Variants in PDE1A observed in about 807,000 individuals in gnomAD.
PDE1A encodes phosphodiesterase 1A.
A neutral mutation model predicts 61.7 loss-of-function variants in PDE1A; 35 were observed. The observed-to-expected ratio is 0.57, with a 90% CI of 0.43 to 0.75. PDE1A has a LOEUF of 0.75. Among genes scored for constraint, PDE1A ranks in the 30% least tolerant of loss-of-function variants. PDE1A has a pLI of 0.00. For synonymous variants in PDE1A, 232 were observed against 213.2 expected, an observed-to-expected ratio of 1.09 and a Z score of -0.77; for missense variants, 597 against 630.6, an observed-to-expected ratio of 0.95 and a Z score of 0.57.
At chr2:182,309,045 CAAAG>C (rs1005964585) in intron 1 of PDE1A, among the ~76,000 whole-genome samples, 1 of 146,988 alleles carries the variant, frequency 6.8e-6, no homozygotes, top group Non-Finnish European at 1.5e-5. Flanking sequence ...AAAAAAGTGA[CAAAG>C]AAGTTCACAC....
the PDE1A span, among the ~76,000 whole-genome samples, chr2:182,706,935 A>C: frequency 1.3e-5 from 2 of 152,260 alleles, no homozygotes; most frequent in African/African-American, 2.4e-5. Flanking sequence ...TGGCTGATGC[A>C]TAGCAGTAAT....
intron 1 of PDE1A, among the ~76,000 whole-genome samples, chr2:182,403,778 G>T (rs1428288781): frequency 2.0e-5 from 3 of 151,938 alleles, no homozygotes; most frequent in Non-Finnish European, 2.9e-5. Context: ...AATGGGAGTT[G>T]AATAGGAGAA....
chr2:182,326,478 C>T (rs1253752689), intron 1 of PDE1A, among the ~76,000 whole-genome samples: 1 of 152,098 alleles, frequency 6.6e-6, no homozygotes, highest in Non-Finnish European at 1.5e-5. Flanking sequence ...AAAAGATGAA[C>T]ACTGTATGAT....
At chr2:182,201,839 G>A in intron 8 of PDE1A, 50 bp from the exon 9 acceptor site, 1 of 1,117,954 alleles carries the variant, frequency 8.9e-7, no homozygotes, top group Non-Finnish European at 1.3e-6. Context: ...TTATTGTTCT[G>A]AAGTGGAACA....
At chr2:182,240,232 T>G in exon 3 of PDE1A, 1 of 1,613,074 alleles carries the variant, frequency 6.2e-7, no homozygotes, top group Non-Finnish European at 8.5e-7. Flanking sequence ...AGTCCCGGAC[T>G]TCAGATGGGA....
chr2:182,583,304 G>C, the PDE1A span, among the ~76,000 whole-genome samples: 1 of 152,110 alleles, frequency 6.6e-6, no homozygotes, highest in Non-Finnish European at 1.5e-5. Flanking sequence ...GAAATTATCA[G>C]AATAATATAT....
the PDE1A span, among the ~76,000 whole-genome samples, chr2:182,608,258 G>A: frequency 2.0e-5 from 3 of 152,166 alleles, no homozygotes; most frequent in Non-Finnish European, 4.4e-5. Context: ...ACTTTTCTGC[G>A]GAAAAACTTA....
the PDE1A span, among the ~76,000 whole-genome samples, chr2:182,571,279 T>C: frequency 1.3e-5 from 2 of 152,114 alleles, no homozygotes; most frequent in South Asian, 2.1e-4. Context: ...GTCATTGAAA[T>C]ATCACCAAGA....
At chr2:182,267,876 T>G (rs1176008292) in intron 1 of PDE1A, among the ~76,000 whole-genome samples, 1 of 152,258 alleles carries the variant, frequency 6.6e-6, no homozygotes, top group East Asian at 1.9e-4. Context: ...TAAGGCTTTA[T>G]TGTATATATC....
At chr2:182,304,178 G>A (rs72897091) in intron 1 of PDE1A, among the ~76,000 whole-genome samples, 9 of 152,140 alleles carry the variant, frequency 5.9e-5, no homozygotes, top group Non-Finnish European at 1.3e-4. Flanking sequence ...CACCATACCC[G>A]GCCGATGGCT....
intron 1 of PDE1A, among the ~76,000 whole-genome samples, chr2:182,356,565 C>T (rs754291263): frequency 1.3e-4 from 19 of 151,952 alleles, no homozygotes; most frequent in Admixed American, 2.6e-4. Context: ...GCCTGGGCAA[C>T]ATGGAGAAAC....
chr2:182,148,983 T>C lies in PDE1A; in HGVS notation c.1517-1831A>G, dbSNP rs753329858. On this transcript the variant is annotated intron_variant, in intron 13 of 13. Coordinates refer to the PDE1A transcript ENST00000409365. ...AATTGGGAAAGGGTTTTATGCATCTTATTACTGAGTTTTGAACCTTCTTTG... is the reference window on the plus strand; with the variant it reads ...AATTGGGAAAGGGTTTTATGCATCTCATTACTGAGTTTTGAACCTTCTTTG... Among the ~76,000 whole-genome samples, 12 of 152,166 alleles carry C rather than the reference T, an allele frequency of 7.9e-5. 1 individual carries two copies. The highest frequency in any genetic ancestry group is 1.3e-4 in the Non-Finnish European group (9 of 68,014).
At chr2:182,462,774 A>C (rs1422931001) in intron 2 of PDE1A, among the ~76,000 whole-genome samples, 1 of 152,200 alleles carries the variant, frequency 6.6e-6, no homozygotes, top group Non-Finnish European at 1.5e-5. Context: ...TTTTTTAAAA[A>C]TTCAGAATAA....
the PDE1A span, among the ~76,000 whole-genome samples, chr2:182,535,085 A>G: frequency 2.0e-5 from 3 of 151,892 alleles, no homozygotes; most frequent in Admixed American, 1.3e-4. Context: ...ATTTTTTTAT[A>G]TATAAGTACT....
chr2:182,278,246 A>G (rs1294985508), intron 1 of PDE1A, among the ~76,000 whole-genome samples: 1 of 152,034 alleles, frequency 6.6e-6, no homozygotes, highest in East Asian at 1.9e-4. Flanking sequence ...GTGATTTAAC[A>G]AGCTTACACA....
At chr2:182,358,664 A>G (rs879321215) in intron 1 of PDE1A, among the ~76,000 whole-genome samples, 3 of 152,116 alleles carry the variant, frequency 2.0e-5, no homozygotes, top group Non-Finnish European at 4.4e-5. Flanking sequence ...ATATTCAGCT[A>G]ATAGCTAACA....
chr2:182,417,995 C>G (rs1703028616), intron 1 of PDE1A, among the ~76,000 whole-genome samples: 1 of 151,912 alleles, frequency 6.6e-6, no homozygotes, highest in Non-Finnish European at 1.5e-5. Flanking sequence ...TAGGAGGGTT[C>G]AAAATAGAAA....
chr2:182,434,466 T>C (rs1296457189), intron 2 of PDE1A, among the ~76,000 whole-genome samples: 1 of 152,078 alleles, frequency 6.6e-6, no homozygotes. Context: ...TGTCAGCCTC[T>C]GGTTTAGTGA....
intron 1 of PDE1A, among the ~76,000 whole-genome samples, chr2:182,386,957 G>A (rs1042632170): frequency 3.3e-5 from 5 of 152,252 alleles, no homozygotes; most frequent in Non-Finnish European, 5.9e-5. Flanking sequence ...TGATGACGAC[G>A]GCGGTTTTGT....
Sources: allele counts gnomAD v4.1 joint callset (sites outside exome capture counted in the v4.1 genomes callset), GRCh38; gene constraint gnomAD v4.1.1; transcripts MANE v1.5; gene names NCBI Gene and HGNC (gene_info 2026-07-23, HGNC 2026-07-21).